BTBD9: variants seen among roughly 807,000 people sequenced by gnomAD.
BTBD9 encodes BTB/POZ domain-containing protein 9.
A neutral mutation model predicts 64.3 loss-of-function variants in BTBD9; 49 were observed. The ratio of observed to expected loss-of-function variants is 0.76; its 90% CI spans 0.61 to 0.97. The LOEUF is 0.97. Among genes scored for constraint, BTBD9 ranks in the 50% least tolerant of loss-of-function variants. The probability of loss-of-function intolerance (pLI) is 0.00; values close to 1 mark genes in which losing one functional copy is unlikely to be tolerated. For synonymous variants in BTBD9, 260 were observed against 274.7 expected (o/e 0.95, Z 0.53); for missense variants, 598 against 762.1 (o/e 0.78, Z 2.53).
Position 38,299,130 on chromosome 6 carries a change from G to C in BTBD9, c.1265-10669C>G, listed in dbSNP as rs566195889. Among the ~76,000 whole-genome samples the C allele has an allele frequency of 2.0e-3, 312 of 152,202 alleles. 2 individuals carry two copies. The highest frequency in any genetic ancestry group is 6.0e-3 in the African/African-American group (251 of 41,520). Reference sequence around the variant, plus strand: ...TGTTTGGTTTTTTGTCCTTGCGATAGTTTGCTGAGAATGATGGTTTCCAGC... The same window carrying C: ...TGTTTGGTTTTTTGTCCTTGCGATACTTTGCTGAGAATGATGGTTTCCAGC... On this transcript the variant is annotated intron_variant, in intron 7 of 10. Coordinates refer to ENST00000481247, the MANE Select transcript of BTBD9 (RefSeq NM_001099272.2).
At chr6:38,466,081 G>A (rs1289635361) in intron 6 of BTBD9, among the ~76,000 whole-genome samples, 1 of 151,038 alleles carries the variant, frequency 6.6e-6, no homozygotes, top group Non-Finnish European at 1.5e-5. Context: ...CCAAAGTGCT[G>A]GGATTACATG....
intron 6 of BTBD9, among the ~76,000 whole-genome samples, chr6:38,376,246 G>GT (rs1765693626): frequency 6.6e-6 from 1 of 152,274 alleles, no homozygotes; most frequent in East Asian, 1.9e-4. Flanking sequence ...CTCAAATATT[G>GT]TAAGAGTTCA....
intron 5 of BTBD9, among the ~76,000 whole-genome samples, chr6:38,579,373 G>A (rs1776191105): frequency 6.6e-6 from 1 of 152,200 alleles, no homozygotes; most frequent in African/African-American, 2.4e-5. Context: ...GTGGGGCACA[G>A]TTTCTGGGTA....
chr6:38,338,518 A>G (rs969259247), intron 7 of BTBD9, among the ~76,000 whole-genome samples: 1 of 152,142 alleles, frequency 6.6e-6, no homozygotes, highest in Non-Finnish European at 1.5e-5. Context: ...TAAAGCTGAT[A>G]ATAGAATCTT....
Position 38,192,616 on chromosome 6 carries a change from AT to A in BTBD9, c.1563-20del. On this transcript the variant is annotated intron_variant, in intron 9 of 10. Transcript: ENST00000481247. ...CCAGGACCTGTGAGAGGAAACAACCATTTGCCTGATTAGATGGTGCAGTTGA... is the reference window on the plus strand; with the variant it reads ...CCAGGACCTGTGAGAGGAAACAACCATTGCCTGATTAGATGGTGCAGTTGA... The A allele has an allele frequency of 6.2e-7, 1 of 1,608,592 alleles. No individual in the cohort carries two copies. The highest frequency in any genetic ancestry group is 8.5e-7 in the Non-Finnish European group (1 of 1,175,642).
chr6:38,630,380 T>C (rs1187251212), intron 1 of BTBD9, among the ~76,000 whole-genome samples: 1 of 152,196 alleles, frequency 6.6e-6, no homozygotes, highest in South Asian at 2.1e-4. Context: ...ATAAAGCCTA[T>C]AGGTTAGCTA....
intron 6 of BTBD9, among the ~76,000 whole-genome samples, chr6:38,546,384 C>A (rs748485232): frequency 1.3e-5 from 2 of 152,068 alleles, no homozygotes; most frequent in Admixed American, 1.3e-4. Flanking sequence ...ATTATTTAAG[C>A]CAAAATTTCC....
intron 1 of BTBD9, among the ~76,000 whole-genome samples, chr6:38,600,565 T>G (rs1258996561): frequency 6.6e-6 from 1 of 151,872 alleles, no homozygotes; most frequent in Non-Finnish European, 1.5e-5. Context: ...CTCCAATATT[T>G]CAATGATCGT....
At chr6:38,473,640 T>C (rs1770748387) in intron 6 of BTBD9, among the ~76,000 whole-genome samples, 1 of 152,212 alleles carries the variant, frequency 6.6e-6, no homozygotes, top group Non-Finnish European at 1.5e-5. Flanking sequence ...ATTCATTCTT[T>C]CGCCCCTACC....
chr6:38,384,806 C>T (rs1303297243), intron 6 of BTBD9, among the ~76,000 whole-genome samples: 1 of 152,128 alleles, frequency 6.6e-6, no homozygotes. Context: ...ATGTCATAAA[C>T]TGACAAAAAT....
At chr6:38,425,247 A>G (rs946363050) in intron 6 of BTBD9, among the ~76,000 whole-genome samples, 1 of 151,648 alleles carries the variant, frequency 6.6e-6, no homozygotes, top group Non-Finnish European at 1.5e-5. Flanking sequence ...CTGAGATTAC[A>G]GGCACCTGCC....
At chr6:38,467,179 G>T (rs1770433958) in intron 6 of BTBD9, among the ~76,000 whole-genome samples, 1 of 152,132 alleles carries the variant, frequency 6.6e-6, no homozygotes, top group Non-Finnish European at 1.5e-5. Context: ...AAATTATTAA[G>T]ACCATTTCCT....
At chr6:38,468,821 T>C (rs1056314584) in intron 6 of BTBD9, among the ~76,000 whole-genome samples, 2 of 152,170 alleles carry the variant, frequency 1.3e-5, no homozygotes, top group Non-Finnish European at 2.9e-5. Flanking sequence ...AAATAACATT[T>C]ACAGACAGAA....
chr6:38,554,267 T>C (rs187443711), intron 6 of BTBD9, among the ~76,000 whole-genome samples: 44 of 152,328 alleles, frequency 2.9e-4, no homozygotes, highest in Middle Eastern at 3.4e-3. Flanking sequence ...ACAGATGCTA[T>C]AGACAGCCAC....
chr6:38,501,056 C>T (rs150569329), intron 6 of BTBD9, among the ~76,000 whole-genome samples: 4 of 152,258 alleles, frequency 2.6e-5, no homozygotes, highest in East Asian at 1.9e-4. Flanking sequence ...TTTATTAAAA[C>T]GAGAACAAAA....
chr6:38,508,748 A>G (rs368379799), intron 6 of BTBD9, among the ~76,000 whole-genome samples: 1 of 152,134 alleles, frequency 6.6e-6, no homozygotes. Flanking sequence ...TCTATGTTCC[A>G]CCCACAAAAA....
rs557138507 is a variant in BTBD9, at chr6:38,257,484, G to A, written c.1455-968C>T. Among the ~76,000 whole-genome samples the A allele has an allele frequency of 2.1e-4, 32 of 152,094 alleles. No individual in the cohort carries two copies. In the East Asian group the frequency reaches 5.0e-3, roughly 24 times the overall value. ...AGTGCCAGGATTACAGGTGTGAGCCGCTGTGCTGGTCTAATTGATATTTCT... is the reference window on the plus strand; with the variant it reads ...AGTGCCAGGATTACAGGTGTGAGCCACTGTGCTGGTCTAATTGATATTTCT... On this transcript the variant is annotated intron_variant, in intron 8 of 10. Coordinates refer to ENST00000481247, the MANE Select transcript of BTBD9 (RefSeq NM_001099272.2).
intron 1 of BTBD9, among the ~76,000 whole-genome samples, chr6:38,638,941 A>T (rs1191171397): frequency 6.6e-6 from 1 of 152,176 alleles, no homozygotes; most frequent in African/African-American, 2.4e-5. Context: ...ACACCTTTAC[A>T]TGCTGGGTTC....
chr6:38,331,309 T>C (rs938082694), intron 7 of BTBD9, among the ~76,000 whole-genome samples: 2 of 152,080 alleles, frequency 1.3e-5, no homozygotes, highest in Non-Finnish European at 2.9e-5. Flanking sequence ...TGAAACCCTA[T>C]CTCTATTAAA....
Sources: allele counts gnomAD v4.1 joint callset (sites outside exome capture counted in the v4.1 genomes callset), GRCh38; gene constraint gnomAD v4.1.1; transcripts MANE v1.5; gene names NCBI Gene and HGNC (gene_info 2026-07-23, HGNC 2026-07-21).